The following SLC14A2 variants were observed in gnomAD, a reference collection of about 807,000 sequenced individuals.
The protein encoded by SLC14A2 is urea transporter 2.
In SLC14A2, 91 loss-of-function variants were observed where a neutral mutation model predicts 104.6. That is an observed-to-expected ratio of 0.87 (90% CI 0.73 to 1.04). SLC14A2 has a LOEUF of 1.04. SLC14A2 is among the 50% of genes least tolerant of loss of function. The pLI is 0.00. For missense variants in SLC14A2, 1,189 were observed against 1,156.0 expected (o/e 1.03, Z -0.41); for synonymous variants, 476 against 466.4 (o/e 1.02, Z -0.27).
intron 1 of SLC14A2, among the ~76,000 whole-genome samples, chr18:45,456,111 C>T (rs1032421770): frequency 2.0e-5 from 3 of 152,140 alleles, no homozygotes; most frequent in African/African-American, 7.2e-5. Flanking sequence ...AGCTCCCTGG[C>T]CTCTACCTAA....
intron 1 of SLC14A2, among the ~76,000 whole-genome samples, chr18:45,353,463 A>C (rs1220239695): frequency 2.0e-5 from 3 of 152,224 alleles, no homozygotes; most frequent in African/African-American, 7.2e-5. Context: ...GTGTCCTTGT[A>C]GGTCAATTGT....
chr18:45,546,834 G>A (rs1449950547), intron 2 of SLC14A2, among the ~76,000 whole-genome samples: 3 of 152,080 alleles, frequency 2.0e-5, no homozygotes, highest in Non-Finnish European at 2.9e-5. Flanking sequence ...GTTCTCAATG[G>A]GAGCTATTCA....
chr18:45,560,882 T>G (rs1193988643), intron 2 of SLC14A2, among the ~76,000 whole-genome samples: 1 of 152,184 alleles, frequency 6.6e-6, no homozygotes, highest in Non-Finnish European at 1.5e-5. Flanking sequence ...GCCAATGTGC[T>G]ATCCTCATTG....
Position 45,675,710 on chromosome 18 carries a change from T to TCTATATATATATATATATATATATA in SLC14A2, c.2512+1893_2512+1894insCTATATATATATATATATATATATA, listed in dbSNP as rs1555639293. On this transcript the variant is annotated intron_variant, in intron 18 of 19. Transcript: ENST00000255226. ...CTATATATATATATATATATATATA[T>TCTATATATATATATATATATATATA]TTTTTTTTTTTTTTTTTTTGGAGAG... Among the ~76,000 whole-genome samples, 6 of 46,216 alleles carry TCTATATATATATATATATATATATA rather than the reference T, an allele frequency of 1.3e-4. 1 individual carries two copies. The highest frequency in any genetic ancestry group is 3.8e-4 in the African/African-American group (6 of 15,700). 30.3% of individuals were successfully genotyped at this position (46,216 alleles called of 152,430 possible).
chr18:45,552,424 G>C (rs896230479), intron 2 of SLC14A2, among the ~76,000 whole-genome samples: 1 of 140,348 alleles, frequency 7.1e-6, no homozygotes, highest in Non-Finnish European at 1.6e-5. Context: ...CTCCTTTCTT[G>C]CTCTCCCACC....
rs867856934 is a variant in SLC14A2 at position 45,591,421 on chromosome 18, C to T, written c.-34-33210C>T. On this transcript the variant is annotated intron_variant, in intron 2 of 20. Transcript: ENST00000586448. ...TGCGATCTCAGCTCACTGCAACTTC[C>T]GCCTCCCGGGTTCAAGCAGTTCTCT... Among the ~76,000 whole-genome samples the T allele has an allele frequency of 6.6e-4, 100 of 152,134 alleles. 1 individual carries two copies. Among genetic ancestry groups the T allele is most frequent in the Middle Eastern group, 3.2e-3 (1 of 316 alleles).
At chr18:45,180,131 A>G in the SLC14A2 span, among the ~76,000 whole-genome samples, 1 of 152,172 alleles carries the variant, frequency 6.6e-6, no homozygotes, top group East Asian at 1.9e-4. Context: ...CCTTTTCCAC[A>G]GTGTGAGACC....
chr18:45,560,083 A>G (rs2044182147), intron 2 of SLC14A2, among the ~76,000 whole-genome samples: 1 of 152,156 alleles, frequency 6.6e-6, no homozygotes, highest in Non-Finnish European at 1.5e-5. Flanking sequence ...CAGGGAGCTC[A>G]CTGCTTCATC....
chr18:45,613,735 T>C (rs1361207173), upstream of SLC14A2, among the ~76,000 whole-genome samples: 1 of 152,226 alleles, frequency 6.6e-6, no homozygotes, highest in African/African-American at 2.4e-5. Context: ...AGAAGAAATT[T>C]CTAAGCAGCA....
intron 1 of SLC14A2, among the ~76,000 whole-genome samples, chr18:45,441,150 G>T (rs2086676565): frequency 6.6e-6 from 1 of 152,108 alleles, no homozygotes; most frequent in Admixed American, 6.5e-5. Context: ...GTCTTTGACT[G>T]CATTCTACTT....
At chr18:45,192,632 GTGTGGT>G in the SLC14A2 span, among the ~76,000 whole-genome samples, 2 of 107,874 alleles carry the variant, frequency 1.9e-5, no homozygotes, top group East Asian at 2.6e-4. Flanking sequence ...GTGTGTGTGT[GTGTGGT>G]TTTTTTTTGT....
At chr18:45,407,688 C>T (rs1698829951) in intron 1 of SLC14A2, among the ~76,000 whole-genome samples, 1 of 152,096 alleles carries the variant, frequency 6.6e-6, no homozygotes. Flanking sequence ...TACTTAGAGG[C>T]CATTGTAGGG....
chr18:45,470,010 T>A (rs143250144), intron 1 of SLC14A2, among the ~76,000 whole-genome samples: 1,667 of 152,308 alleles, frequency 0.011, 31 homozygotes, highest in Middle Eastern at 0.027. Flanking sequence ...TGAAGTGTAA[T>A]GTGACTCTAA....
At chr18:45,643,024 G>C (rs1333261181) in intron 8 of SLC14A2, 108 bp from the exon 9 acceptor site, 8 of 913,160 alleles carry the variant, frequency 8.8e-6, no homozygotes, top group African/African-American at 3.3e-5. Context: ...GGCTGCAGGA[G>C]AGAGGGTGGG....
chr18:45,597,959 C>T (rs1014442465), intron 2 of SLC14A2, among the ~76,000 whole-genome samples: 5 of 152,174 alleles, frequency 3.3e-5, no homozygotes, highest in Admixed American at 2.6e-4. Context: ...GTCCCTTGTA[C>T]TGAGACTGGG....
At chr18:45,399,928 G>A (rs1219393924) in intron 1 of SLC14A2, among the ~76,000 whole-genome samples, 1 of 152,016 alleles carries the variant, frequency 6.6e-6, no homozygotes, top group East Asian at 1.9e-4. Context: ...TGGCCCCAAA[G>A]GTCCTTCAGA....
chr18:45,525,749 A>G (rs1327815215), intron 2 of SLC14A2, among the ~76,000 whole-genome samples: 2 of 152,226 alleles, frequency 1.3e-5, no homozygotes, highest in Admixed American at 6.5e-5. Flanking sequence ...GTTTGTGTCC[A>G]TATGAACTGG....
intron 1 of SLC14A2, among the ~76,000 whole-genome samples, chr18:45,221,118 G>C (rs1012675616): frequency 1.3e-5 from 2 of 152,194 alleles, no homozygotes; most frequent in African/African-American, 4.8e-5. Flanking sequence ...GAATTTGTAA[G>C]ATGAGGGCAC....
the SLC14A2 span, among the ~76,000 whole-genome samples, chr18:45,180,570 A>G: frequency 5.3e-5 from 8 of 152,214 alleles, no homozygotes; most frequent in Non-Finnish European, 8.8e-5. Flanking sequence ...AGAATTGCAA[A>G]AAGAATAGTG....
Sources: gnomAD v4.1 joint callset for allele counts (sites outside exome capture counted in the v4.1 genomes callset) on GRCh38, gnomAD v4.1.1 for gene constraint, MANE v1.5 for transcripts, NCBI Gene and HGNC (gene_info 2026-07-23, HGNC 2026-07-21) for gene names.